Variants in PARD3B observed in about 807,000 individuals in gnomAD.
PARD3B encodes the protein par-3 family cell polarity regulator beta.
A neutral mutation model predicts 130.2 loss-of-function variants in PARD3B; 103 were observed. The observed-to-expected ratio is 0.79, with a 90% CI of 0.67 to 0.93. The LOEUF (loss-of-function observed/expected upper bound fraction) is 0.93. Among genes scored for constraint, PARD3B ranks in the 40% least tolerant of loss-of-function variants. The pLI, the probability that PARD3B is intolerant of heterozygous loss-of-function variation, is 0.00. For synonymous variants in PARD3B, 583 were observed against 553.2 expected, an observed-to-expected ratio of 1.05 and a Z score of -0.76; for missense variants, 1,609 against 1,499.2, an observed-to-expected ratio of 1.07 and a Z score of -1.21.
At chr2:205,581,398 T>TATATATAAGTATATATAAATATATAA (rs2053977890) in intron 22 of PARD3B, among the ~76,000 whole-genome samples, 1 of 23,518 alleles carries the variant, frequency 4.3e-5, no homozygotes, top group South Asian at 2.7e-3. Context: ...TATATATAAA[T>TATATATAAGTATATATAAATATATAA]ATATATATAA....
At chr2:204,613,867 T>C (rs1177548423) in intron 1 of PARD3B, among the ~76,000 whole-genome samples, 1 of 152,176 alleles carries the variant, frequency 6.6e-6, no homozygotes, top group Non-Finnish European at 1.5e-5. Flanking sequence ...TTTTTTCTTT[T>C]TATTTATGTT....
Position 205,276,589 on chromosome 2 carries a change from C to T in PARD3B, c.2186-23941C>T, listed in dbSNP as rs180849620. ...CCACCATCTCACAAATGGCCCTTCT[C>T]GGCAACGTTGGGGGATATTTATTCC... is the stretch of plus-strand genomic sequence containing the variant. On this transcript the variant is annotated intron_variant, in intron 16 of 22. Coordinates refer to ENST00000406610, the MANE Select transcript of PARD3B (RefSeq NM_001302769.2). The surrounding 1 kb of genome is among the most constrained non-coding windows in gnomAD (Gnocchi z 5.0). Among the ~76,000 whole-genome samples, 1 of 152,274 alleles carries T rather than the reference C, an allele frequency of 6.6e-6. No homozygotes were observed. Among genetic ancestry groups the T allele is most frequent in the East Asian group, 1.9e-4 (1 of 5,178 alleles).
intron 18 of PARD3B, among the ~76,000 whole-genome samples, chr2:205,329,247 G>GA (rs2043031511): frequency 6.6e-6 from 1 of 152,070 alleles, no homozygotes; most frequent in Non-Finnish European, 1.5e-5. Context: ...CTTACAGAGA[G>GA]CAAAGACTAC....
At chr2:204,921,469 T>A (rs763560663) in intron 2 of PARD3B, among the ~76,000 whole-genome samples, 25 of 151,352 alleles carry the variant, frequency 1.7e-4, no homozygotes, top group Non-Finnish European at 2.8e-4. Context: ...TGATTTGGAA[T>A]GAGGGTGATT....
chr2:205,360,821 G>A (rs1159911576), intron 18 of PARD3B, among the ~76,000 whole-genome samples: 4 of 152,278 alleles, frequency 2.6e-5, no homozygotes, highest in South Asian at 4.1e-4. Context: ...CCAGACACAC[G>A]GAAAGCACTG....
chr2:204,837,574 C>T (rs2044093057), intron 2 of PARD3B, among the ~76,000 whole-genome samples: 1 of 152,016 alleles, frequency 6.6e-6, no homozygotes, highest in African/African-American at 2.4e-5. Context: ...CACGTGTCAC[C>T]ATGCCTGGCC....
chr2:205,321,237 T>C lies in PARD3B; in HGVS notation c.2630+19536T>C, dbSNP rs2042741180. ...TGTTGATTTACAAGATTGAAGGAAA[T>C]AGTAATTGTGTCTGAGAGTATATTC... On this transcript the variant is annotated intron_variant, in intron 18 of 22. Coordinates refer to ENST00000406610, the MANE Select transcript of PARD3B (RefSeq NM_001302769.2). The surrounding 1 kb of genome is among the most constrained non-coding windows in gnomAD (Gnocchi z 4.2). 6.6e-6 allele frequency among the ~76,000 whole-genome samples: 1 copy of C among 152,188 alleles called. No individual in the cohort carries two copies. Among genetic ancestry groups the C allele is most frequent in the Admixed American group, 6.5e-5 (1 of 15,280 alleles).
intron 13 of PARD3B, among the ~76,000 whole-genome samples, chr2:205,177,319 A>G (rs559631611): frequency 9.8e-5 from 15 of 152,320 alleles, no homozygotes; most frequent in Non-Finnish European, 1.5e-4. Flanking sequence ...TTATACTTCT[A>G]TCAAAGATCC....
In PARD3B at chr2:204,967,572, T is replaced by C. The variant is rs150700788; in HGVS notation, c.394+2249T>C. ...GTTCCTCTGAATCAGCAGGAGAAAT[T>C]TGGGCAAGGATGAATGACGTAAAAA... On this transcript the variant is annotated intron_variant, in intron 3 of 22. Coordinates refer to ENST00000406610, the MANE Select transcript of PARD3B (RefSeq NM_001302769.2). This position sits in a 1 kb window ranked among gnomAD's most constrained non-coding sequence, Gnocchi z 4.4. Among the ~76,000 whole-genome samples, 46 of 152,282 alleles carry C rather than the reference T, an allele frequency of 3.0e-4. 1 individual carries two copies. The highest frequency in any genetic ancestry group is 2.0e-3 in the Admixed American group (31 of 15,306).
rs190044587 is a variant in PARD3B, at chr2:204,949,193, C to T, written c.223-15959C>T. ...TTTCTCTTAACCCCAATATCAATATCGCATGGGTAGAAACTCTAGGTACAA... is the reference window on the plus strand; with the variant it reads ...TTTCTCTTAACCCCAATATCAATATTGCATGGGTAGAAACTCTAGGTACAA... On this transcript the variant is annotated intron_variant, in intron 2 of 22. Transcript: ENST00000406610. 1.4e-3 allele frequency among the ~76,000 whole-genome samples: 218 copies of T among 152,262 alleles called. 1 individual carries two copies. Among genetic ancestry groups the T allele is most frequent in the Non-Finnish European group, 2.2e-3 (153 of 68,022 alleles).
chr2:204,637,715 G>T (rs1372880350), intron 1 of PARD3B, among the ~76,000 whole-genome samples: 1 of 150,836 alleles, frequency 6.6e-6, no homozygotes, highest in Non-Finnish European at 1.5e-5. Flanking sequence ...GATACCTTTA[G>T]CAAATTGGTT....
intron 13 of PARD3B, among the ~76,000 whole-genome samples, chr2:205,177,307 A>G (rs1326425927): frequency 6.6e-6 from 1 of 152,212 alleles, no homozygotes; most frequent in African/African-American, 2.4e-5. Flanking sequence ...ATTTAATTTT[A>G]CTTATACTTC....
At chr2:205,295,389 A>C (rs2041752560) in intron 16 of PARD3B, among the ~76,000 whole-genome samples, 1 of 152,148 alleles carries the variant, frequency 6.6e-6, no homozygotes, top group Non-Finnish European at 1.5e-5. Context: ...GCATTATAAT[A>C]ATCTTGATCC....
chr2:205,209,840 A>T (rs1044193838), intron 15 of PARD3B, among the ~76,000 whole-genome samples: 26 of 152,056 alleles, frequency 1.7e-4, no homozygotes, highest in Non-Finnish European at 3.2e-4. Context: ...CTAGTATTTG[A>T]TAGTATGACA....
intron 4 of PARD3B, among the ~76,000 whole-genome samples, chr2:205,079,578 C>A (rs1170921649): frequency 6.6e-6 from 1 of 152,308 alleles, no homozygotes; most frequent in Non-Finnish European, 1.5e-5. Context: ...GACCTGATCA[C>A]CTCCCAAAGG....
intron 3 of PARD3B, among the ~76,000 whole-genome samples, chr2:205,007,414 C>A (rs13416328): frequency 0.017 from 2,662 of 152,222 alleles, 38 homozygotes; most frequent in African/African-American, 0.04. Flanking sequence ...TGTGGCTTGC[C>A]AGTTTTCCCA....
chr2:205,085,766 A>C (rs190659754), intron 4 of PARD3B, among the ~76,000 whole-genome samples: 1 of 152,230 alleles, frequency 6.6e-6, no homozygotes, highest in African/African-American at 2.4e-5. Context: ...TATATTCAGT[A>C]TATATTTACA....
intron 19 of PARD3B, among the ~76,000 whole-genome samples, chr2:205,413,123 A>G (rs560059714): frequency 6.6e-6 from 1 of 152,284 alleles, no homozygotes; most frequent in East Asian, 1.9e-4. Context: ...GTGATGGTGC[A>G]TGTTCTGAGA....
At chr2:205,379,960 CAGGAGGCAGAGGCAAG>C (rs1375158033) in intron 18 of PARD3B, among the ~76,000 whole-genome samples, 4 of 148,870 alleles carry the variant, frequency 2.7e-5, no homozygotes, top group East Asian at 3.9e-4. Context: ...CCCAGCTACT[CAGGAGGCAGAGGCAAG>C]AGAATTGCTT....
Sources: gnomAD v4.1 joint callset for allele counts (sites outside exome capture counted in the v4.1 genomes callset) on GRCh38, gnomAD v4.1.1 for gene constraint, Gnocchi (gnomAD v3.1) non-coding constraint, MANE v1.5 for transcripts, NCBI Gene and HGNC (gene_info 2026-07-23, HGNC 2026-07-21) for gene names.